ACSM5: variants seen among roughly 807,000 people sequenced by gnomAD.
The protein encoded by ACSM5 is acyl-coenzyme A synthetase ACSM5, mitochondrial.
Under a neutral mutation model 71.6 loss-of-function variants are expected in ACSM5, and 56 were observed. The observed-to-expected ratio is 0.78, with a 90% CI of 0.63 to 0.98. The LOEUF is 0.98. Among genes scored for constraint, ACSM5 ranks in the 50% least tolerant of loss-of-function variants. ACSM5 has a pLI of 0.00. For synonymous variants in ACSM5, 285 were observed against 281.5 expected, an observed-to-expected ratio of 1.01 and a Z score of -0.12; for missense variants, 723 against 726.0, an observed-to-expected ratio of 1.00 and a Z score of 0.05.
chr16:20,416,747 T>C (rs1172837899), intron 2 of ACSM5, among the ~76,000 whole-genome samples: 3 of 152,150 alleles, frequency 2.0e-5, no homozygotes, highest in Non-Finnish European at 2.9e-5. Flanking sequence ...AGTATTTATA[T>C]ATCAAAGTAA....
At chr16:20,412,928 A>G (rs2141638530) in intron 2 of ACSM5, among the ~76,000 whole-genome samples, 1 of 152,338 alleles carries the variant, frequency 6.6e-6, no homozygotes, top group South Asian at 2.1e-4. Flanking sequence ...AGTGAAACTT[A>G]TGAAGGTGGT....
chr16:20,424,177 C>T, intron 6 of ACSM5, 108 bp downstream of exon 6: 2 of 1,405,214 alleles, frequency 1.4e-6, no homozygotes, highest in Non-Finnish European at 1.9e-6. Flanking sequence ...GAATTTAAGG[C>T]TTCTTTGGTG....
In ACSM5 at chr16:20,438,188, G is replaced by A. The variant is rs113199108; in HGVS notation, c.1536+821G>A. On this transcript the variant is annotated intron_variant, in intron 12 of 13. Coordinates refer to ENST00000331849, the MANE Select transcript of ACSM5 (RefSeq NM_017888.3). ...TATTATGGGAAAGATCAGCTAACAG[G>A]CAGACTTAGGTACTTTTCACTGGCT... is the stretch of plus-strand genomic sequence containing the variant. Among the ~76,000 whole-genome samples the A allele has an allele frequency of 7.1e-4, 108 of 151,978 alleles. 2 individuals carry two copies. The highest frequency in any genetic ancestry group is 2.5e-3 in the African/African-American group (104 of 41,518).
intron 10 of ACSM5, among the ~76,000 whole-genome samples, 166 bp from the exon 11 acceptor site, chr16:20,436,886 G>A (rs1347326218): frequency 6.6e-6 from 1 of 152,052 alleles, no homozygotes; most frequent in Non-Finnish European, 1.5e-5. Flanking sequence ...AACTAAACAG[G>A]GCCATAACTC....
chr16:20,424,237 A>G (rs1966933516), intron 6 of ACSM5, among the ~76,000 whole-genome samples, 168 bp downstream of exon 6: 1 of 152,106 alleles, frequency 6.6e-6, no homozygotes, highest in Non-Finnish European at 1.5e-5. Flanking sequence ...GGTTCCCTTC[A>G]ATCATTGCCT....
At position 20,435,981 on chromosome 16, in the gene ACSM5, T is replaced by G. The variant is rs116816059; in HGVS notation, c.1309-1071T>G. ...TTTCCTTCTTTCTTCCTTCCTTTTT[T>G]CTTTCTTTCTTTTCTTTCTCTTTCT... On this transcript the variant is annotated intron_variant, in intron 10 of 13. Coordinates refer to ENST00000331849, the MANE Select transcript of ACSM5 (RefSeq NM_017888.3). Among the ~76,000 whole-genome samples the G allele has an allele frequency of 8.6e-5, 13 of 150,994 alleles. No individual in the cohort carries two copies. The East Asian group carries it at 1.6e-3, about 18-fold the overall frequency.
At position 20,424,258 on chromosome 16, in the gene ACSM5, T is replaced by C. The variant is rs563092780; in HGVS notation, c.921+189T>C. Among the ~76,000 whole-genome samples the C allele has an allele frequency of 7.9e-5, 12 of 152,314 alleles. No individual in the cohort carries two copies. The South Asian group carries it at 2.5e-3, about 32-fold the overall frequency. ...CTTCAATCATTGCCTATGCTCTAGCTACATTCCTAGATGTAAGACCATTTT... is the reference window on the plus strand; with the variant it reads ...CTTCAATCATTGCCTATGCTCTAGCCACATTCCTAGATGTAAGACCATTTT... On this transcript the variant is annotated intron_variant, in intron 6 of 13. Transcript: ENST00000331849.
chr16:20,417,424 A>C (rs1435340100), intron 2 of ACSM5, among the ~76,000 whole-genome samples: 2 of 152,222 alleles, frequency 1.3e-5, no homozygotes, highest in Non-Finnish European at 2.9e-5. Context: ...TCTTGAAAGC[A>C]TTGTACAAAG....
rs1966847736 is a variant in ACSM5 at position 20,411,572 on chromosome 16, C to T, written c.88C>T (p.Pro30Ser). 1.2e-6 allele frequency: 2 copies of T among 1,614,076 alleles called. No individual in the cohort carries two copies. The highest frequency in any genetic ancestry group is 1.7e-6 in the Non-Finnish European group (2 of 1,180,044). ...CGSHGKPAPLPVPQKIVATWE... is the reference protein window; with the variant it reads ...CGSHGKPAPLSVPQKIVATWE... ...GTCTCATGGGAAGCCAGCACCTCTACCTGTTCCTCAGAAGATCGTGGCCAC... is the reference window on the plus strand; with the variant it reads ...GTCTCATGGGAAGCCAGCACCTCTATCTGTTCCTCAGAAGATCGTGGCCAC... The change falls in exon 2 of 14, where the codon CCT becomes TCT. Residue 30 changes from proline (P) to serine (S), a missense_variant. By Grantham distance (74) the Pro-to-Ser change is moderately conservative. Transcript: ENST00000331849.
chr16:20,432,847 CTTT>C (rs56853520), intron 10 of ACSM5, among the ~76,000 whole-genome samples: 6 of 57,600 alleles, frequency 1.0e-4, no homozygotes, highest in African/African-American at 2.9e-4. Flanking sequence ...CCAGATCATT[CTTT>C]TTTTTTTTTT....
chr16:20,413,158 C>A (rs1966850658), intron 2 of ACSM5, among the ~76,000 whole-genome samples: 1 of 152,046 alleles, frequency 6.6e-6, no homozygotes, highest in Non-Finnish European at 1.5e-5. Flanking sequence ...TTCCTGATGG[C>A]CTGCAAAAAT....
At chr16:20,416,987 C>A (rs1383015597) in intron 2 of ACSM5, among the ~76,000 whole-genome samples, 1 of 148,252 alleles carries the variant, frequency 6.7e-6, no homozygotes, top group African/African-American at 2.5e-5. Flanking sequence ...CAAATCCTAG[C>A]CACAAGGAGA....
chr16:20,427,057 C>T (rs568406772), intron 6 of ACSM5, among the ~76,000 whole-genome samples: 70 of 151,464 alleles, frequency 4.6e-4, no homozygotes, highest in South Asian at 4.2e-3. Flanking sequence ...AATCCCAGCA[C>T]TTTGGGAGGC....
Position 20,437,185 on chromosome 16 carries a change from G to A in ACSM5, c.1436+6G>A. Reference sequence around the variant, plus strand: ...GATGTGATCAATTCTTCAAGGTCAAGCTGTCTGCACTTTCCTCCTTCCTTT... The same window carrying A: ...GATGTGATCAATTCTTCAAGGTCAAACTGTCTGCACTTTCCTCCTTCCTTT... On this transcript the variant is annotated splice_donor_region_variant and intron_variant, in intron 11 of 13. Transcript: ENST00000331849. 1.2e-6 allele frequency: 2 copies of A among 1,614,184 alleles called. No individual in the cohort carries two copies. Among genetic ancestry groups the A allele is most frequent in the South Asian group, 1.1e-5 (1 of 91,088 alleles).
chr16:20,417,992 C>A, intron 2 of ACSM5, 67 bp from the exon 3 acceptor site: 1 of 1,447,490 alleles, frequency 6.9e-7, no homozygotes, highest in Non-Finnish European at 9.5e-7. Context: ...AAACATTAAA[C>A]AGCAACAAGC....
At chr16:20,421,099 C>G in intron 4 of ACSM5, 159 bp from the exon 5 acceptor site, 4 of 792,094 alleles carry the variant, frequency 5.0e-6, no homozygotes, top group Admixed American at 7.5e-5. Context: ...TAGTACCTAC[C>G]CCATGAGGTG....
intron 12 of ACSM5, among the ~76,000 whole-genome samples, chr16:20,438,292 C>G (rs1207262177): frequency 6.6e-6 from 1 of 151,954 alleles, no homozygotes; most frequent in African/African-American, 2.4e-5. Context: ...TCAGAAGCAT[C>G]AAGACCACAG....
intron 4 of ACSM5, 125 bp downstream of exon 4, chr16:20,419,560 G>A (rs1966869322): frequency 2.2e-6 from 2 of 927,526 alleles, no homozygotes; most frequent in Non-Finnish European, 3.3e-6. Context: ...CCCATTGGCA[G>A]CCAGGCTGAC....
intron 6 of ACSM5, 137 bp downstream of exon 6, chr16:20,424,206 T>A (rs1966933300): frequency 1.8e-6 from 2 of 1,128,976 alleles, no homozygotes; most frequent in South Asian, 1.6e-5. Context: ...TGGCCTTCCA[T>A]AATCTGGTTC....
Sources: allele counts gnomAD v4.1 joint callset (sites outside exome capture counted in the v4.1 genomes callset), GRCh38; gene constraint gnomAD v4.1.1; transcripts MANE v1.5; gene names NCBI Gene and HGNC (gene_info 2026-07-23, HGNC 2026-07-21).